Variants in NRXN1 observed in about 807,000 individuals in gnomAD.
The protein encoded by NRXN1 is neurexin-1.
In NRXN1, 39 loss-of-function variants were observed where a neutral mutation model predicts 150.9. The observed-to-expected ratio is 0.26, with a 90% CI of 0.20 to 0.34. The LOEUF (loss-of-function observed/expected upper bound fraction) is 0.34. Among genes scored for constraint, NRXN1 ranks in the 10% least tolerant of loss-of-function variants. The probability of loss-of-function intolerance (pLI) is 1.00; values close to 1 mark genes in which losing one functional copy is unlikely to be tolerated. For synonymous variants in NRXN1, 924 were observed against 757.0 expected, an observed-to-expected ratio of 1.22 and a Z score of -3.62; for missense variants, 1,815 against 1,949.9, an observed-to-expected ratio of 0.93 and a Z score of 1.30.
At chr2:50,978,106 C>A (rs183876218) in intron 2 of NRXN1, among the ~76,000 whole-genome samples, 198 of 150,632 alleles carry the variant, frequency 1.3e-3, no homozygotes, top group African/African-American at 4.7e-3. Context: ...TTTAAATATT[C>A]TTTAACTGTT....
At chr2:50,931,998 A>T (rs955919816) in intron 2 of NRXN1, among the ~76,000 whole-genome samples, 1 of 151,834 alleles carries the variant, frequency 6.6e-6, no homozygotes, top group Non-Finnish European at 1.5e-5. Flanking sequence ...CGTAGCTGGG[A>T]TTACAGGCAC....
chr2:50,895,111 T>C (rs1480233952), intron 5 of NRXN1, among the ~76,000 whole-genome samples: 1 of 152,142 alleles, frequency 6.6e-6, no homozygotes, highest in East Asian at 1.9e-4. Context: ...AAATTATTCA[T>C]TTGCTATTCC....
intron 18 of NRXN1, among the ~76,000 whole-genome samples, chr2:50,184,764 T>C (rs74737038): frequency 0.057 from 8,738 of 151,990 alleles, 298 homozygotes; most frequent in Middle Eastern, 0.11. Flanking sequence ...ATTTACAATA[T>C]ACTTGATAAT....
rs1229381914 is a variant in NRXN1, at chr2:49,922,133, G to C, written c.4335C>G (p.Ile1445Met). ...TGTACATGGCATAGAGGAGGATAAG[G>C]ATGCACAGGGCGGCAGCGGCTACTA... ...VGIVAAAALC[I>M]LILLYAMYKY... Residue 1445 changes from isoleucine (I) to methionine (M), a missense_variant, in exon 23 of 23, where the codon ATC (isoleucine) becomes ATG (methionine). Physicochemically the swap from Ile to Met is conservative, Grantham distance 10. Transcript: ENST00000401669. 1 of 1,614,110 alleles carries C rather than the reference G, an allele frequency of 6.2e-7. No homozygotes were observed. Among genetic ancestry groups the C allele is most frequent in the East Asian group, 2.2e-5 (1 of 44,854 alleles).
intron 7 of NRXN1, among the ~76,000 whole-genome samples, chr2:50,620,407 A>T (rs551113298): frequency 6.6e-6 from 1 of 152,130 alleles, no homozygotes; most frequent in South Asian, 2.1e-4. Flanking sequence ...GCCCTAAGAG[A>T]TCTAAACTAG....
At chr2:50,696,961 T>G (rs1263149419) in intron 5 of NRXN1, among the ~76,000 whole-genome samples, 2 of 152,164 alleles carry the variant, frequency 1.3e-5, no homozygotes, top group Non-Finnish European at 2.9e-5. Context: ...TTTCCACTTT[T>G]GTTTCCAAAT....
chr2:50,488,742 T>A (rs1337740088), intron 15 of NRXN1, among the ~76,000 whole-genome samples: 1 of 151,998 alleles, frequency 6.6e-6, no homozygotes, highest in Non-Finnish European at 1.5e-5. Flanking sequence ...AGGAGGGAGG[T>A]CTGAGAGCTA....
At chr2:50,402,894 A>C (rs2082489608) in intron 17 of NRXN1, among the ~76,000 whole-genome samples, 1 of 152,154 alleles carries the variant, frequency 6.6e-6, no homozygotes, top group African/African-American at 2.4e-5. Flanking sequence ...AGCTGTTACA[A>C]AAACATAAGA....
At chr2:50,790,984 G>A (rs568510813) in intron 5 of NRXN1, among the ~76,000 whole-genome samples, 2 of 151,846 alleles carry the variant, frequency 1.3e-5, no homozygotes, top group African/African-American at 2.4e-5. Flanking sequence ...TGCTCAACCT[G>A]TACTAGTAGC....
Position 50,556,115 on chromosome 2 carries a change from T to A in NRXN1, c.1321-3090A>T, listed in dbSNP as rs566568360. Among the ~76,000 whole-genome samples the A allele has an allele frequency of 2.0e-4, 30 of 152,262 alleles. 1 individual carries two copies. The South Asian group carries it at 5.8e-3, about 29-fold the overall frequency. On this transcript the variant is annotated intron_variant, in intron 8 of 22. Transcript: ENST00000401669. The stretch of plus-strand genomic sequence containing the variant: ...CTACTCCAGAAAACAGAAAAGCAAT[T>A]TTGCATTGGTAGGCTTACGGCTCTC...
intron 5 of NRXN1, among the ~76,000 whole-genome samples, chr2:50,820,491 C>T (rs1336340058): frequency 1.3e-5 from 2 of 152,240 alleles, no homozygotes; most frequent in Admixed American, 1.3e-4. Context: ...TTTAAGACCA[C>T]AAACACTTTT....
chr2:50,278,842 A>C (rs2071020512), intron 17 of NRXN1, among the ~76,000 whole-genome samples: 1 of 152,154 alleles, frequency 6.6e-6, no homozygotes, highest in Non-Finnish European at 1.5e-5. Flanking sequence ...TTTAAACTAC[A>C]AAATAACTTA....
intron 17 of NRXN1, among the ~76,000 whole-genome samples, chr2:50,237,953 C>A (rs2065629270): frequency 1.3e-5 from 2 of 151,912 alleles, no homozygotes; most frequent in African/African-American, 4.8e-5. Flanking sequence ...AAGTGTTTGA[C>A]ATTTCCTCCT....
chr2:50,407,711 G>A (rs1489023245), intron 17 of NRXN1, among the ~76,000 whole-genome samples: 1 of 152,004 alleles, frequency 6.6e-6, no homozygotes, highest in African/African-American at 2.4e-5. Flanking sequence ...GTGATGCCCT[G>A]CACCACCTCA....
At chr2:50,064,001 A>T (rs1410875426) in intron 19 of NRXN1, among the ~76,000 whole-genome samples, 1 of 152,172 alleles carries the variant, frequency 6.6e-6, no homozygotes, top group African/African-American at 2.4e-5. Flanking sequence ...GTTAGTGTCC[A>T]CTTACATATA....
At chr2:50,786,802 A>C (rs753948454) in intron 5 of NRXN1, among the ~76,000 whole-genome samples, 3 of 152,178 alleles carry the variant, frequency 2.0e-5, no homozygotes, top group Non-Finnish European at 4.4e-5. Flanking sequence ...CATAAGAATT[A>C]CAAATGGTAA....
chr2:49,952,802 G>T (rs1325654353), intron 21 of NRXN1, among the ~76,000 whole-genome samples: 1 of 152,052 alleles, frequency 6.6e-6, no homozygotes, highest in Admixed American at 6.6e-5. Context: ...TCTTCACAAT[G>T]TAAGTGCCAA....
intron 8 of NRXN1, among the ~76,000 whole-genome samples, chr2:50,564,999 G>A (rs765085871): frequency 1.3e-5 from 2 of 151,984 alleles, no homozygotes; most frequent in Non-Finnish European, 2.9e-5. Flanking sequence ...TTGGCTCTAC[G>A]GAAGCTCAAT....
At position 50,374,524 on chromosome 2, in the gene NRXN1, A is replaced by C. The variant is rs111252548; in HGVS notation, c.3364+90918T>G. ...TTGGAAAGTTTTTGCCAAGTGGTCA[A>C]GATGTTCACTGCTGTAACTAAGAGC... On this transcript the variant is annotated intron_variant, in intron 17 of 22. Coordinates refer to ENST00000401669, the MANE Select transcript of NRXN1 (RefSeq NM_001330078.2). Among the ~76,000 whole-genome samples the C allele has an allele frequency of 6.3e-4, 96 of 152,194 alleles. 2 individuals are homozygous for C. Among genetic ancestry groups the C allele is most frequent in the African/African-American group, 2.0e-3 (84 of 41,556 alleles).
Sources: gnomAD v4.1 joint callset for allele counts (sites outside exome capture counted in the v4.1 genomes callset) on GRCh38, gnomAD v4.1.1 for gene constraint, MANE v1.5 for transcripts, NCBI Gene and HGNC (gene_info 2026-07-23, HGNC 2026-07-21) for gene names.